AIG1: variants seen among roughly 807,000 people sequenced by gnomAD.
AIG1 encodes the protein androgen induced 1, also known as androgen-induced gene 1 protein.
AIG1 carries 23 observed loss-of-function variants against 31.4 expected under a neutral mutation model. That is an observed-to-expected ratio of 0.73 (90% CI 0.53 to 1.04). The LOEUF is 1.04. Among genes scored for constraint, AIG1 ranks in the 50% least tolerant of loss-of-function variants. AIG1 has a pLI of 0.00. For missense variants in AIG1, 274 were observed against 295.0 expected (o/e 0.93, Z 0.52); for synonymous variants, 100 against 110.5 (o/e 0.90, Z 0.60).
Position 143,303,167 on chromosome 6 carries a change from T to C in AIG1, c.515+18942T>C, listed in dbSNP as rs1362163356. On this transcript the variant is annotated intron_variant, in intron 4 of 5. Coordinates refer to ENST00000357847, the MANE Select transcript of AIG1 (RefSeq NM_016108.4). ...TAGGTTGTGAAAATTTTCTCCCATT[T>C]TGTAGGTTGCCTGTTCACTCTGATG... 2.6e-5 allele frequency among the ~76,000 whole-genome samples: 4 copies of C among 151,870 alleles called. No individual in the cohort carries two copies. The East Asian group carries it at 7.7e-4, about 29-fold the overall frequency.
chr6:143,182,588 C>T (rs1440122767), intron 3 of AIG1, among the ~76,000 whole-genome samples: 1 of 152,186 alleles, frequency 6.6e-6, no homozygotes, highest in African/African-American at 2.4e-5. Context: ...TCCCCACTCA[C>T]TGAAATCCCC....
intron 3 of AIG1, among the ~76,000 whole-genome samples, chr6:143,221,480 C>G (rs1792509082): frequency 6.6e-6 from 1 of 151,954 alleles, no homozygotes; most frequent in Non-Finnish European, 1.5e-5. Flanking sequence ...TGGCTCATAA[C>G]TTTTATCTAG....
chr6:143,255,465 G>A (rs916427567), intron 3 of AIG1, among the ~76,000 whole-genome samples: 1 of 152,158 alleles, frequency 6.6e-6, no homozygotes, highest in Non-Finnish European at 1.5e-5. Context: ...TGCCCCTGGT[G>A]TCTCTGTCTT....
intron 1 of AIG1, among the ~76,000 whole-genome samples, chr6:143,124,009 A>G (rs963741907): frequency 7.9e-5 from 12 of 152,250 alleles, no homozygotes; most frequent in African/African-American, 2.9e-4. Context: ...TGAATAATTT[A>G]AAAGCAAATG....
chr6:143,187,482 G>A, intron 3 of AIG1: 1 of 1,535,424 alleles, frequency 6.5e-7, no homozygotes, highest in Non-Finnish European at 8.7e-7. Flanking sequence ...CTGCTCAATT[G>A]AAGACATATG....
At chr6:143,229,774 A>G (rs1638359039) in intron 3 of AIG1, among the ~76,000 whole-genome samples, 1 of 119,760 alleles carries the variant, frequency 8.4e-6, no homozygotes, top group Admixed American at 9.8e-5. Context: ...TCGTTTCTGG[A>G]CTCTCAGAAC....
Position 143,268,369 on chromosome 6 carries a change from A to G in AIG1, c.400-15741A>G, listed in dbSNP as rs137937921. Among the ~76,000 whole-genome samples the G allele has an allele frequency of 2.7e-3, 405 of 152,208 alleles. No individual in the cohort carries two copies. Among genetic ancestry groups the G allele is most frequent in the African/African-American group, 9.4e-3 (390 of 41,532 alleles). On this transcript the variant is annotated intron_variant, in intron 3 of 5. Coordinates refer to ENST00000357847, the MANE Select transcript of AIG1 (RefSeq NM_016108.4). This position sits in a 1 kb window ranked among gnomAD's most constrained non-coding sequence, Gnocchi z 5.0. ...TCGAGTCTACGGGGACCACAACTAG[A>G]TGGTCTAACGTGTGCCTTATTCAGC...
chr6:143,071,989 G>T (rs1410400632), intron 1 of AIG1, among the ~76,000 whole-genome samples: 1 of 151,272 alleles, frequency 6.6e-6, no homozygotes, highest in East Asian at 1.9e-4. Context: ...ACAGGGCTTT[G>T]CTGCATTACC....
chr6:143,074,617 A>G (rs934758627), intron 1 of AIG1, among the ~76,000 whole-genome samples: 2 of 152,154 alleles, frequency 1.3e-5, no homozygotes, highest in African/African-American at 4.8e-5. Context: ...TATATCAGCA[A>G]CTTACTGTTT....
intron 3 of AIG1, among the ~76,000 whole-genome samples, chr6:143,216,638 A>G (rs1227620138): frequency 6.6e-6 from 1 of 152,262 alleles, no homozygotes; most frequent in Non-Finnish European, 1.5e-5. Context: ...CTGTGAATGC[A>G]GAACAACATA....
At chr6:143,129,597 T>C (rs1783035367) in intron 1 of AIG1, among the ~76,000 whole-genome samples, 1 of 152,206 alleles carries the variant, frequency 6.6e-6, no homozygotes, top group South Asian at 2.1e-4. Context: ...GCTTAGACTA[T>C]TACATTTAGA....
At chr6:143,166,587 C>T (rs984863259) in intron 3 of AIG1, among the ~76,000 whole-genome samples, 2 of 152,194 alleles carry the variant, frequency 1.3e-5, no homozygotes. Context: ...TGTTAAGCTC[C>T]TAGTGCAAAA....
chr6:143,228,417 G>A (rs984777526), intron 3 of AIG1, among the ~76,000 whole-genome samples: 1 of 152,202 alleles, frequency 6.6e-6, no homozygotes, highest in Non-Finnish European at 1.5e-5. Flanking sequence ...CCTCTACAGC[G>A]GGGACTGAGA....
intron 1 of AIG1, among the ~76,000 whole-genome samples, chr6:143,134,934 G>A (rs1423534040): frequency 6.6e-6 from 1 of 152,016 alleles, no homozygotes; most frequent in Non-Finnish European, 1.5e-5. Context: ...TCTATAGGTC[G>A]GGTGTATTAA....
intron 1 of AIG1, among the ~76,000 whole-genome samples, chr6:143,087,010 G>A (rs1309551715): frequency 6.6e-6 from 1 of 152,190 alleles, no homozygotes; most frequent in Non-Finnish European, 1.5e-5. Context: ...CCAGAGGGTT[G>A]GGGGTTGTTA....
At position 143,071,814 on chromosome 6, in the gene AIG1, C is replaced by T. The variant is rs1231322078; in HGVS notation, c.141+10748C>T. On this transcript the variant is annotated intron_variant, in intron 1 of 5. Coordinates refer to ENST00000357847, the MANE Select transcript of AIG1 (RefSeq NM_016108.4). Reference sequence around the variant, plus strand: ...TGTGTATGTGTGTGTGACTGAGTCTCGCTCTGTCACCCAGGCTGGAGTGCA... The same window carrying T: ...TGTGTATGTGTGTGTGACTGAGTCTTGCTCTGTCACCCAGGCTGGAGTGCA... Among the ~76,000 whole-genome samples the T allele has an allele frequency of 2.7e-5, 4 of 150,804 alleles. 1 individual carries two copies. The highest frequency in any genetic ancestry group is 2.0e-4 in the Admixed American group (3 of 15,094).
intron 1 of AIG1, among the ~76,000 whole-genome samples, chr6:143,122,521 A>G (rs923095654): frequency 6.6e-6 from 1 of 152,212 alleles, no homozygotes; most frequent in Admixed American, 6.5e-5. Flanking sequence ...TGTTTTATAA[A>G]CATACAGTTT....
At chr6:143,198,793 C>A (rs1288642059) in intron 3 of AIG1, among the ~76,000 whole-genome samples, 1 of 152,204 alleles carries the variant, frequency 6.6e-6, no homozygotes, top group African/African-American at 2.4e-5. Context: ...GCACACATCA[C>A]TTTTGCTCCC....
At chr6:143,273,625 C>T (rs1293594284) in intron 3 of AIG1, among the ~76,000 whole-genome samples, 2 of 152,190 alleles carry the variant, frequency 1.3e-5, no homozygotes, top group Non-Finnish European at 1.5e-5. Context: ...CATAGTTCCA[C>T]GTGACTGCGG....
Sources: allele counts gnomAD v4.1 joint callset (sites outside exome capture counted in the v4.1 genomes callset), GRCh38; gene constraint gnomAD v4.1.1; non-coding constraint Gnocchi (gnomAD v3.1); transcripts MANE v1.5; gene names NCBI Gene and HGNC (gene_info 2026-07-23, HGNC 2026-07-21).